FAM185A: variants seen among roughly 807,000 people sequenced by gnomAD.
FAM185A encodes family with sequence similarity 185 member A.
In FAM185A, 21 loss-of-function variants were observed where a neutral mutation model predicts 45.7. That is an observed-to-expected ratio of 0.46 (90% CI 0.33 to 0.66). The LOEUF is 0.66. Among genes scored for constraint, FAM185A ranks in the 30% least tolerant of loss-of-function variants. The probability of loss-of-function intolerance (pLI) is 0.03; values close to 1 mark genes in which losing one functional copy is unlikely to be tolerated. For synonymous variants in FAM185A, 117 were observed against 194.0 expected (o/e 0.60, Z 3.30); for missense variants, 305 against 485.4 (o/e 0.63, Z 3.49).
At chr7:102,813,067 T>G (rs1015178149), downstream of FAM185A, among the ~76,000 whole-genome samples, 1 of 152,124 alleles carries the variant, frequency 6.6e-6, no homozygotes, top group Non-Finnish European at 1.5e-5. Flanking sequence ...GGTCTTGAAC[T>G]CCTGACTTAT....
At chr7:102,800,812 G>A (rs80213030) in intron 7 of FAM185A, among the ~76,000 whole-genome samples, 1 of 152,146 alleles carries the variant, frequency 6.6e-6, no homozygotes, top group African/African-American at 2.4e-5. Flanking sequence ...AAACATATTT[G>A]GGGGAATAAC....
intron 7 of FAM185A, among the ~76,000 whole-genome samples, chr7:102,799,974 A>G (rs1213747960): frequency 6.6e-6 from 1 of 152,090 alleles, no homozygotes; most frequent in Non-Finnish European, 1.5e-5. Context: ...GGACCCACAG[A>G]CCCTCTGAAG....
the FAM185A span, among the ~76,000 whole-genome samples, chr7:102,819,309 C>G: frequency 3.9e-5 from 6 of 152,090 alleles, no homozygotes; most frequent in Admixed American, 6.5e-5. Context: ...AATAAAGGAG[C>G]CTTTATCTTG....
At chr7:102,799,607 A>G (rs1796652314) in intron 7 of FAM185A, among the ~76,000 whole-genome samples, 1 of 152,196 alleles carries the variant, frequency 6.6e-6, no homozygotes, top group South Asian at 2.1e-4. Context: ...ATGAAATGCA[A>G]TAGTGTAATC....
intron 7 of FAM185A, among the ~76,000 whole-genome samples, chr7:102,790,267 G>A (rs1796069153): frequency 6.6e-6 from 1 of 152,200 alleles, no homozygotes; most frequent in Non-Finnish European, 1.5e-5. Context: ...AATGCAGGTA[G>A]TGCGTTGCAT....
At chr7:102,755,476 A>G (rs28478484) in intron 2 of FAM185A, 349,870 of 674,832 alleles carry the variant, frequency 0.52, 95,049 homozygotes, top group Middle Eastern at 0.61. Flanking sequence ...GCAAGAGAAG[A>G]AGCGGAGGCT....
the FAM185A span, among the ~76,000 whole-genome samples, chr7:102,843,388 A>C: frequency 6.6e-6 from 1 of 152,226 alleles, no homozygotes; most frequent in Admixed American, 6.5e-5. Flanking sequence ...GGTTGCAGTG[A>C]GCCAACATCG....
chr7:102,816,192 A>C, the FAM185A span: 1 of 152,190 alleles, frequency 6.6e-6, no homozygotes, highest in Non-Finnish European at 1.5e-5. Context: ...ATGCTTACTG[A>C]CTGGAGGGGA....
the FAM185A span, among the ~76,000 whole-genome samples, chr7:102,818,309 CCT>C: frequency 6.6e-6 from 1 of 152,206 alleles, no homozygotes; most frequent in Non-Finnish European, 1.5e-5. Context: ...ATGATTAAGA[CCT>C]AGGTACAAAG....
the FAM185A span, among the ~76,000 whole-genome samples, chr7:102,837,296 C>T: frequency 6.6e-6 from 1 of 152,204 alleles, no homozygotes; most frequent in African/African-American, 2.4e-5. Context: ...GCCAGGGAAA[C>T]CAGGCTGAGC....
At chr7:102,829,735 C>T in the FAM185A span, among the ~76,000 whole-genome samples, 4,446 of 152,186 alleles carry the variant, frequency 0.029, 187 homozygotes, top group East Asian at 0.16. Flanking sequence ...AAGGAAAAGC[C>T]GGCCTTTCTG....
At chr7:102,826,750 TATATATATATATATATATATA>T in the FAM185A span, among the ~76,000 whole-genome samples, 1 of 112,690 alleles carries the variant, frequency 8.9e-6, no homozygotes, top group Non-Finnish European at 1.8e-5. Context: ...TATATATATA[TATATATATATATATATATATA>T]TGTATATATA....
the FAM185A span, among the ~76,000 whole-genome samples, chr7:102,834,106 G>GGA: frequency 6.6e-5 from 7 of 106,540 alleles, no homozygotes; most frequent in South Asian, 3.4e-4. Context: ...AAGAAAGAAA[G>GGA]AAAGAAAGAA....
At chr7:102,771,365 A>C (rs1367116477) in intron 4 of FAM185A, among the ~76,000 whole-genome samples, 1 of 152,186 alleles carries the variant, frequency 6.6e-6, no homozygotes, top group African/African-American at 2.4e-5. Flanking sequence ...AATATGAAAA[A>C]AAATTAGTAA....
At chr7:102,825,990 C>T in the FAM185A span, among the ~76,000 whole-genome samples, 1 of 152,170 alleles carries the variant, frequency 6.6e-6, no homozygotes, top group African/African-American at 2.4e-5. Context: ...AAAGTAAGCA[C>T]TCAATAAATG....
At chr7:102,765,415 G>A (rs1041194864) in intron 4 of FAM185A, among the ~76,000 whole-genome samples, 2 of 152,026 alleles carry the variant, frequency 1.3e-5, no homozygotes, top group African/African-American at 4.8e-5. Flanking sequence ...TCTTAAGTGT[G>A]TGGCTTCTAA....
intron 4 of FAM185A, among the ~76,000 whole-genome samples, chr7:102,767,688 A>G (rs1794496132): frequency 6.6e-6 from 1 of 152,030 alleles, no homozygotes; most frequent in African/African-American, 2.4e-5. Context: ...ATTCAAATCT[A>G]TGTCTCTAGC....
the FAM185A span, among the ~76,000 whole-genome samples, chr7:102,818,732 G>A: frequency 6.6e-6 from 1 of 152,034 alleles, no homozygotes; most frequent in Non-Finnish European, 1.5e-5. Context: ...TAGAATTGAA[G>A]GTTTTGGGCT....
At chr7:102,826,874 G>A in the FAM185A span, among the ~76,000 whole-genome samples, 14 of 145,332 alleles carry the variant, frequency 9.6e-5, no homozygotes, top group South Asian at 2.1e-4. Flanking sequence ...AGAGGGAGAG[G>A]CTCTTAGGAA....
Sources: gnomAD v4.1 joint callset for allele counts (sites outside exome capture counted in the v4.1 genomes callset) on GRCh38, gnomAD v4.1.1 for gene constraint, MANE v1.5 for transcripts, NCBI Gene and HGNC (gene_info 2026-07-23, HGNC 2026-07-21) for gene names.